The following DCLK1 variants were observed in gnomAD, a reference collection of about 807,000 sequenced individuals.
The protein encoded by DCLK1 is serine/threonine-protein kinase DCLK1.
DCLK1 carries 16 observed loss-of-function variants against 86.2 expected under a neutral mutation model. The ratio of observed to expected loss-of-function variants is 0.19; its 90% confidence interval spans 0.13 to 0.28. The LOEUF is 0.28. Ranked by LOEUF, DCLK1 falls within the 10% of genes least tolerant of loss-of-function variation. The pLI is 1.00. For synonymous variants in DCLK1, 369 were observed against 370.5 expected (o/e 1.00, Z 0.05); for missense variants, 590 against 940.2 (o/e 0.63, Z 4.87).
intron 11 of DCLK1, among the ~76,000 whole-genome samples, chr13:35,821,672 G>GTATATATATATA (rs34181385): frequency 1.4e-5 from 2 of 144,696 alleles, no homozygotes; most frequent in African/African-American, 5.1e-5. Flanking sequence ...ATAAATATAT[G>GTATATATATATA]TATATATATA....
At position 35,879,845 on chromosome 13, in the gene DCLK1, T is replaced by C. The variant is rs2051091; in HGVS notation, c.824-8505A>G. On this transcript the variant is annotated intron_variant, in intron 4 of 16. Coordinates refer to ENST00000360631, the MANE Select transcript of DCLK1 (RefSeq NM_001330071.2). ...TTTTTTGTGCCAGTTGCTAGTGGTG[T>C]CCTTGGCCTCACCCACTAGATGCCA... Among the ~76,000 whole-genome samples, 739 of 152,274 alleles carry C rather than the reference T, an allele frequency of 4.9e-3. 8 individuals carry two copies. Among genetic ancestry groups the C allele is most frequent in the African/African-American group, 0.017 (701 of 41,558 alleles).
chr13:36,016,207 A>G (rs1881532751), intron 3 of DCLK1, among the ~76,000 whole-genome samples: 1 of 152,190 alleles, frequency 6.6e-6, no homozygotes, highest in Non-Finnish European at 1.5e-5. Context: ...AGACTAATGG[A>G]AAGCAACACA....
At chr13:35,910,585 T>A (rs1422442256) in intron 4 of DCLK1, among the ~76,000 whole-genome samples, 1 of 152,218 alleles carries the variant, frequency 6.6e-6, no homozygotes, top group Non-Finnish European at 1.5e-5. Flanking sequence ...AAACCGAACA[T>A]GTCTGGGATG....
intron 4 of DCLK1, among the ~76,000 whole-genome samples, chr13:35,893,153 GAGT>G (rs1873743521): frequency 6.6e-6 from 1 of 152,214 alleles, no homozygotes; most frequent in Non-Finnish European, 1.5e-5. Context: ...TACCCTATCT[GAGT>G]AGTTTCCTTT....
chr13:35,992,474 A>G (rs1880280823), intron 3 of DCLK1, among the ~76,000 whole-genome samples: 1 of 151,998 alleles, frequency 6.6e-6, no homozygotes, highest in African/African-American at 2.4e-5. Context: ...GGGGCTTAAA[A>G]GAGGAGTGAA....
intron 3 of DCLK1, among the ~76,000 whole-genome samples, chr13:36,096,060 T>C (rs1456577477): frequency 6.6e-6 from 1 of 152,228 alleles, no homozygotes; most frequent in Non-Finnish European, 1.5e-5. Context: ...CCATTGGTTT[T>C]GAAAGGGTTT....
chr13:35,793,775 C>A (rs986157638), intron 15 of DCLK1, among the ~76,000 whole-genome samples: 1 of 152,140 alleles, frequency 6.6e-6, no homozygotes, highest in Non-Finnish European at 1.5e-5. Flanking sequence ...ATTCCAACCA[C>A]GGCTCTAGGA....
intron 3 of DCLK1, among the ~76,000 whole-genome samples, chr13:36,030,436 G>A (rs539484594): frequency 8.2e-5 from 12 of 147,188 alleles, no homozygotes; most frequent in Admixed American, 6.8e-4. Context: ...AGCTGGGATT[G>A]TAGGTGCCCG....
chr13:35,809,026 T>G lies in DCLK1; in HGVS notation c.1758A>C (p.Pro586=), dbSNP rs752055518. Residue 586 remains proline, a synonymous_variant, in exon 13 of 17, where the codon CCA becomes CCC. Coordinates refer to ENST00000360631, the MANE Select transcript of DCLK1 (RefSeq NM_001330071.2). The part of the protein sequence containing the change: ...ITYILLCGFP[P]FRGSGDDQEV... The stretch of plus-strand genomic sequence containing the variant: ...AAGATTGTTGCCCATACCCACGGAA[T>G]GGAGGGAAACCACACAGCAGGATAT... The G allele has an allele frequency of 6.2e-7, 1 of 1,611,648 alleles. No individual in the cohort carries two copies. The highest frequency in any genetic ancestry group is 1.1e-5 in the South Asian group (1 of 90,738).
At chr13:36,080,944 G>A (rs1174328323) in intron 3 of DCLK1, among the ~76,000 whole-genome samples, 2 of 152,080 alleles carry the variant, frequency 1.3e-5, no homozygotes, top group Non-Finnish European at 2.9e-5. Flanking sequence ...CTAGTGGGTG[G>A]TGCTAGATGC....
At chr13:35,823,715 T>C (rs2087451348) in intron 10 of DCLK1, among the ~76,000 whole-genome samples, 1 of 152,240 alleles carries the variant, frequency 6.6e-6, no homozygotes. Context: ...CATGCTTGCC[T>C]ACAGTGTACC....
intron 3 of DCLK1, among the ~76,000 whole-genome samples, chr13:36,066,380 G>A (rs1883751992): frequency 6.6e-6 from 1 of 152,176 alleles, no homozygotes; most frequent in Non-Finnish European, 1.5e-5. Flanking sequence ...TTCCTGGGCT[G>A]TAAAATGAGT....
At chr13:35,789,987 C>T (rs975324063) in intron 16 of DCLK1, among the ~76,000 whole-genome samples, 9 of 152,134 alleles carry the variant, frequency 5.9e-5, no homozygotes, top group African/African-American at 1.9e-4. Flanking sequence ...AATGCAATGC[C>T]TTCCACCTAA....
chr13:35,832,059 G>A (rs1044777213), intron 8 of DCLK1, among the ~76,000 whole-genome samples: 3 of 152,150 alleles, frequency 2.0e-5, no homozygotes, highest in Admixed American at 6.5e-5. Flanking sequence ...TTGAGAGGCC[G>A]AGGCAGGAGG....
chr13:35,933,791 C>T (rs1316276992), intron 4 of DCLK1, among the ~76,000 whole-genome samples: 1 of 152,228 alleles, frequency 6.6e-6, no homozygotes, highest in African/African-American at 2.4e-5. Flanking sequence ...AGACCTCTGA[C>T]ATGCCCTGGA....
At chr13:35,998,249 G>A (rs1056436076) in intron 3 of DCLK1, among the ~76,000 whole-genome samples, 1 of 152,068 alleles carries the variant, frequency 6.6e-6, no homozygotes, top group African/African-American at 2.4e-5. Context: ...CACTCCTATT[G>A]TCAGAAAATG....
intron 4 of DCLK1, among the ~76,000 whole-genome samples, chr13:35,902,311 T>C (rs959595254): frequency 3.9e-5 from 6 of 152,178 alleles, no homozygotes; most frequent in Admixed American, 2.0e-4. Context: ...GTGGCATATA[T>C]GGTGATTCTA....
chr13:35,936,720 T>C (rs1020539158), intron 4 of DCLK1, among the ~76,000 whole-genome samples: 1 of 152,124 alleles, frequency 6.6e-6, no homozygotes, highest in Non-Finnish European at 1.5e-5. Context: ...TGGCCTGTTG[T>C]TGGAGGTAAA....
intron 12 of DCLK1, 26 bp downstream of exon 12, chr13:35,810,809 C>T: frequency 3.1e-6 from 5 of 1,611,494 alleles, no homozygotes; most frequent in Non-Finnish European, 4.2e-6. Context: ...GCAAGCATAG[C>T]ACTTAAACAT....
Sources: allele counts gnomAD v4.1 joint callset (sites outside exome capture counted in the v4.1 genomes callset), GRCh38; gene constraint gnomAD v4.1.1; transcripts MANE v1.5; gene names NCBI Gene and HGNC (gene_info 2026-07-23, HGNC 2026-07-21).